WWP2: variants seen among roughly 807,000 people sequenced by gnomAD.
The protein encoded by WWP2 is WW domain containing E3 ubiquitin protein ligase 2.
WWP2 carries 57 observed loss-of-function variants against 121.0 expected under a neutral mutation model. The ratio of observed to expected loss-of-function variants is 0.47; its 90% confidence interval spans 0.38 to 0.59. WWP2 has a LOEUF of 0.59. Among genes scored for constraint, WWP2 ranks in the 20% least tolerant of loss-of-function variants. WWP2 has a pLI of 0.00. For missense variants in WWP2, 962 were observed against 1,158.9 expected, an observed-to-expected ratio of 0.83 and a Z score of 2.47; for synonymous variants, 449 against 441.3, an observed-to-expected ratio of 1.02 and a Z score of -0.22.
intron 1 of WWP2, among the ~76,000 whole-genome samples, chr16:69,773,963 AT>A (rs112571713): frequency 0.018 from 2,710 of 152,184 alleles, 78 homozygotes; most frequent in African/African-American, 0.058. Flanking sequence ...CACTTGGGGA[AT>A]TTTTAAATAA....
intron 7 of WWP2, among the ~76,000 whole-genome samples, chr16:69,877,637 C>A (rs1396221904): frequency 6.6e-6 from 1 of 151,982 alleles, no homozygotes; most frequent in Non-Finnish European, 1.5e-5. Flanking sequence ...TTCCTTATCA[C>A]TAAACTTAAT....
intron 1 of WWP2, among the ~76,000 whole-genome samples, chr16:69,776,852 T>C (rs11075736): frequency 6.6e-6 from 1 of 151,638 alleles, no homozygotes; most frequent in Non-Finnish European, 1.5e-5. Flanking sequence ...TAAAAAAAAT[T>C]ATAATAAACT....
chr16:69,781,883 A>G (rs2055671126), intron 1 of WWP2, among the ~76,000 whole-genome samples: 1 of 152,126 alleles, frequency 6.6e-6, no homozygotes, highest in African/African-American at 2.4e-5. Flanking sequence ...ACTTGCTTTT[A>G]TAACAAACCT....
intron 10 of WWP2, among the ~76,000 whole-genome samples, chr16:69,918,197 G>T (rs1477564182): frequency 6.6e-6 from 1 of 152,044 alleles, no homozygotes; most frequent in Non-Finnish European, 1.5e-5. Flanking sequence ...CTTGCACCCT[G>T]ACTTGCTTTG....
chr16:69,875,851 T>C (rs1163286522), intron 7 of WWP2, among the ~76,000 whole-genome samples: 3 of 152,230 alleles, frequency 2.0e-5, no homozygotes, highest in African/African-American at 7.2e-5. Context: ...TTTGAGCTTC[T>C]TCCAAACTCC....
intron 4 of WWP2, among the ~76,000 whole-genome samples, chr16:69,805,621 T>G (rs1448141826): frequency 6.6e-6 from 1 of 151,630 alleles, no homozygotes; most frequent in Non-Finnish European, 1.5e-5. Context: ...GATGTTGAGT[T>G]TTTTTTTGAG....
chr16:69,890,121 ATTT>A (rs57520353), intron 8 of WWP2, among the ~76,000 whole-genome samples: 3 of 133,088 alleles, frequency 2.3e-5, no homozygotes, highest in Admixed American at 7.6e-5. Context: ...TGCCTGGATA[ATTT>A]TTTTTTTTTT....
chr16:69,901,267 A>G (rs2058199268), intron 8 of WWP2, among the ~76,000 whole-genome samples: 1 of 152,232 alleles, frequency 6.6e-6, no homozygotes, highest in Non-Finnish European at 1.5e-5. Flanking sequence ...GATTTTATGT[A>G]GCTTTTGCCT....
intron 8 of WWP2, among the ~76,000 whole-genome samples, chr16:69,899,226 C>G (rs2058158002): frequency 6.6e-6 from 1 of 152,082 alleles, no homozygotes; most frequent in Admixed American, 6.6e-5. Flanking sequence ...AAAAATGTTA[C>G]AGGCCACACT....
At chr16:69,771,787 C>G (rs1001474761) in intron 1 of WWP2, among the ~76,000 whole-genome samples, 1 of 151,674 alleles carries the variant, frequency 6.6e-6, no homozygotes, top group African/African-American at 2.4e-5. Context: ...ATGCTAGGAC[C>G]CAAGTGCGGG....
chr16:69,775,298 T>C (rs1456951958), intron 1 of WWP2, among the ~76,000 whole-genome samples: 2 of 152,184 alleles, frequency 1.3e-5, no homozygotes, highest in East Asian at 3.8e-4. Flanking sequence ...CAGAAAATCT[T>C]TCATAGGCTT....
chr16:69,818,505 C>T (rs942894449), intron 4 of WWP2, among the ~76,000 whole-genome samples: 67 of 152,300 alleles, frequency 4.4e-4, no homozygotes, highest in African/African-American at 1.5e-3. Flanking sequence ...CGGCGCCTGA[C>T]CTCCTTTTCT....
intron 4 of WWP2, among the ~76,000 whole-genome samples, chr16:69,820,993 G>A (rs552883111): frequency 5.3e-5 from 8 of 152,362 alleles, no homozygotes; most frequent in African/African-American, 1.4e-4. Context: ...TGCCCACTCC[G>A]GCGAGGCTAT....
chr16:69,813,680 G>A (rs528981873), intron 4 of WWP2, among the ~76,000 whole-genome samples: 33 of 151,984 alleles, frequency 2.2e-4, no homozygotes, highest in Non-Finnish European at 4.3e-4. Flanking sequence ...GTTGCCCAAG[G>A]CTGGTCTTAA....
At chr16:69,904,544 A>AT (rs2058257612) in intron 8 of WWP2, among the ~76,000 whole-genome samples, 1 of 151,744 alleles carries the variant, frequency 6.6e-6, no homozygotes, top group African/African-American at 2.4e-5. Flanking sequence ...ATTTAAAAAA[A>AT]TTTTTTTATA....
At position 69,917,711 on chromosome 16, in the gene WWP2, G is replaced by A. The variant is rs2058496863; in HGVS notation, c.1007G>A (p.Trp336Ter). The change falls in exon 10 of 24, where the codon TGG becomes TAG. Residue 336 changes from tryptophan to a stop codon, truncating the protein, a stop_gained and splice_region_variant. Transcript: ENST00000359154. LOFTEE classifies it high-confidence loss of function. Reference sequence around the variant, plus strand: ...CATTCTGAGGTTCCTATTTCCAGCTGGGAAAAACGCACAGATCCCCGAGGC... The same window carrying A: ...CATTCTGAGGTTCCTATTTCCAGCTAGGAAAAACGCACAGATCCCCGAGGC... ...TTWERPLPPG[W>*]EKRTDPRGRF... 6.3e-7 allele frequency: 1 copy of A among 1,599,246 alleles called. No individual in the cohort carries two copies. Among genetic ancestry groups the A allele is most frequent in the African/African-American group, 1.3e-5 (1 of 74,696 alleles).
intron 4 of WWP2, among the ~76,000 whole-genome samples, chr16:69,812,471 C>G (rs1377590255): frequency 1.4e-5 from 2 of 142,042 alleles, no homozygotes; most frequent in African/African-American, 2.8e-5. Flanking sequence ...GCCCCCAACC[C>G]CCCCCCTTTT....
At chr16:69,865,048 G>A (rs1018504310) in intron 6 of WWP2, among the ~76,000 whole-genome samples, 3 of 151,900 alleles carry the variant, frequency 2.0e-5, no homozygotes, top group Admixed American at 2.0e-4. Flanking sequence ...TTGGTGATGT[G>A]TCTGTTCAAA....
chr16:69,930,687 A>G (rs2151989901), intron 13 of WWP2, among the ~76,000 whole-genome samples: 1 of 152,266 alleles, frequency 6.6e-6, no homozygotes, highest in East Asian at 1.9e-4. Context: ...TGACAGAGTG[A>G]GTCCCTGTTT....
Sources: allele counts gnomAD v4.1 joint callset (sites outside exome capture counted in the v4.1 genomes callset), GRCh38; gene constraint gnomAD v4.1.1; transcripts MANE v1.5; gene names NCBI Gene and HGNC (gene_info 2026-07-23, HGNC 2026-07-21).